Variants in SEMA3C observed in about 807,000 individuals in gnomAD.
SEMA3C encodes semaphorin-3C.
SEMA3C carries 47 observed loss-of-function variants against 89.4 expected under a neutral mutation model. The ratio of observed to expected loss-of-function variants is 0.53; its 90% CI spans 0.42 to 0.67. SEMA3C has a LOEUF of 0.67. SEMA3C is among the 30% of genes least tolerant of loss of function. SEMA3C has a pLI of 0.00. For synonymous variants in SEMA3C, 310 were observed against 320.2 expected (o/e 0.97, Z 0.34); for missense variants, 839 against 929.1 (o/e 0.90, Z 1.26).
intron 2 of SEMA3C, among the ~76,000 whole-genome samples, chr7:80,885,389 G>T (rs1791451066): frequency 6.6e-6 from 1 of 151,964 alleles, no homozygotes; most frequent in Admixed American, 6.6e-5. Context: ...GGCTGAGGTG[G>T]GCGGACTGCT....
At chr7:80,745,389 A>C (rs1277145605) in intron 17 of SEMA3C, 82 bp from the exon 18 acceptor site, 2 of 1,343,396 alleles carry the variant, frequency 1.5e-6, no homozygotes, top group East Asian at 4.8e-5. Flanking sequence ...GAATAGTCTC[A>C]ACTTTCACAG....
At chr7:80,804,833 G>A (rs1220366222) in intron 7 of SEMA3C, among the ~76,000 whole-genome samples, 1 of 152,070 alleles carries the variant, frequency 6.6e-6, no homozygotes, top group African/African-American at 2.4e-5. Flanking sequence ...ATGCTTTCTT[G>A]TGCTGGCCTA....
At chr7:80,865,630 A>G (rs1790908023) in intron 2 of SEMA3C, among the ~76,000 whole-genome samples, 2 of 152,038 alleles carry the variant, frequency 1.3e-5, no homozygotes, top group African/African-American at 4.8e-5. Context: ...TCTACTAAAA[A>G]TGCAAGAAAA....
At chr7:80,878,283 CA>C (rs1214741549) in intron 2 of SEMA3C, among the ~76,000 whole-genome samples, 6 of 152,146 alleles carry the variant, frequency 3.9e-5, no homozygotes, top group Non-Finnish European at 8.8e-5. Flanking sequence ...AAAGCTGAGG[CA>C]GGAGAATCGC....
Position 80,810,633 on chromosome 7 carries a change from C to G in SEMA3C, c.516G>C (p.Val172=), listed in dbSNP as rs1789445925. The G allele has an allele frequency of 6.2e-7, 1 of 1,613,674 alleles. No homozygotes were observed. The highest frequency in any genetic ancestry group is 1.7e-5 in the Admixed American group (1 of 60,006). The change falls in exon 6 of 18, where the codon GTG becomes GTC. Residue 172 remains valine, a synonymous_variant. Coordinates refer to ENST00000265361, the MANE Select transcript of SEMA3C (RefSeq NM_006379.5). ...TACTGATCATAACAGACACCGTGTTCACGTTGGGGTTGAAAGAGCAGCGTC... is the reference window on the plus strand; with the variant it reads ...TACTGATCATAACAGACACCGTGTTGACGTTGGGGTTGAAAGAGCAGCGTC... ...GKGRCSFNPN[V]NTVSVMINEE... is the part of the protein sequence containing the mutation.
rs554199261 is a variant in SEMA3C at position 80,817,156 on chromosome 7, A to G, written c.447+1143T>C. Among the ~76,000 whole-genome samples, 246 of 152,316 alleles carry G rather than the reference A, an allele frequency of 1.6e-3. 2 individuals carry two copies. Among genetic ancestry groups the G allele is most frequent in the African/African-American group, 5.4e-3 (226 of 41,580 alleles). ...AATATTTCATAGCATCTTGAACCAC[A>G]TTAAAAAATGTCTCATTTTGGGGTC... is the stretch of plus-strand genomic sequence containing the variant. On this transcript the variant is annotated intron_variant, in intron 5 of 17. Transcript: ENST00000265361.
intron 2 of SEMA3C, among the ~76,000 whole-genome samples, chr7:80,847,717 C>T (rs959543214): frequency 6.6e-6 from 1 of 152,134 alleles, no homozygotes; most frequent in Non-Finnish European, 1.5e-5. Flanking sequence ...CTATATAGGG[C>T]TGACTGTGGC....
intron 2 of SEMA3C, 54 bp from the exon 3 acceptor site, chr7:80,828,799 AT>A: frequency 7.7e-7 from 1 of 1,292,096 alleles, no homozygotes; most frequent in Non-Finnish European, 1.1e-6. Flanking sequence ...CTATAATTCT[AT>A]TATTTTAATA....
chr7:80,755,014 G>T (rs1788034946), intron 15 of SEMA3C, among the ~76,000 whole-genome samples: 2 of 141,406 alleles, frequency 1.4e-5, no homozygotes, highest in Non-Finnish European at 3.0e-5. Flanking sequence ...TGGCTAGGCT[G>T]GTCTTAAACT....
At chr7:80,897,026 C>T (rs1402260710) in intron 2 of SEMA3C, among the ~76,000 whole-genome samples, 4 of 152,130 alleles carry the variant, frequency 2.6e-5, no homozygotes, top group Non-Finnish European at 4.4e-5. Flanking sequence ...AGGTAGGCGC[C>T]GGAGAGCATG....
intron 11 of SEMA3C, among the ~76,000 whole-genome samples, chr7:80,795,616 T>A (rs1789043934): frequency 6.6e-6 from 1 of 152,122 alleles, no homozygotes; most frequent in Non-Finnish European, 1.5e-5. Flanking sequence ...TTAGCATTGG[T>A]TTATTCTGTT....
At chr7:80,758,660 C>A (rs536934230) in intron 14 of SEMA3C, among the ~76,000 whole-genome samples, 172 bp from the exon 15 acceptor site, 1 of 152,112 alleles carries the variant, frequency 6.6e-6, no homozygotes, top group African/African-American at 2.4e-5. Context: ...AATTTTCCTA[C>A]ATTAATATGC....
In SEMA3C at chr7:80,835,843, C is replaced by A. The variant is rs142065615; in HGVS notation, c.104-7098G>T. Among the ~76,000 whole-genome samples, 339 of 152,258 alleles carry A rather than the reference C, an allele frequency of 2.2e-3. 8 individuals are homozygous for A. The South Asian group carries it at 0.038, about 17-fold the overall frequency. On this transcript the variant is annotated intron_variant, in intron 2 of 17. Transcript: ENST00000265361. ...GTTCTAATATTACTCTAGTCCCACA[C>A]ACAAAGGAATTAAAATTGAGCAAAT...
chr7:80,907,078 A>T (rs754328642), intron 2 of SEMA3C, among the ~76,000 whole-genome samples: 3 of 152,224 alleles, frequency 2.0e-5, no homozygotes, highest in Non-Finnish European at 4.4e-5. Flanking sequence ...AAAAATGTAC[A>T]TAATTAGATT....
chr7:80,748,978 T>C lies in SEMA3C; in HGVS notation c.1762A>G (p.Thr588Ala), dbSNP rs149923462. Residue 588 changes from threonine to alanine, a missense_variant, in exon 17 of 18, where the codon ACT becomes GCT. Transcript: ENST00000265361. ...GACTTGGGGGCACACTCCAGAAAAG[T>C]GGTGTTATTTTTTACTCCATACTGG... ...IVQYGVKNNT[T>A]FLECAPKSPQ... The C allele has an allele frequency of 1.9e-4, 302 of 1,613,368 alleles. No homozygotes were observed. The highest frequency in any genetic ancestry group is 2.4e-4 in the Non-Finnish European group (287 of 1,179,594).
At chr7:80,796,354 T>G (rs887921237) in intron 11 of SEMA3C, 1 of 152,182 alleles carries the variant, frequency 6.6e-6, no homozygotes, top group Non-Finnish European at 1.5e-5. Flanking sequence ...AATCTCTGCT[T>G]CTTATCCAGC....
At chr7:80,857,669 G>A (rs1407296376) in intron 2 of SEMA3C, among the ~76,000 whole-genome samples, 2 of 152,042 alleles carry the variant, frequency 1.3e-5, no homozygotes, top group African/African-American at 4.8e-5. Flanking sequence ...TATTTTCTAG[G>A]TAGCACAGTC....
chr7:80,765,048 C>T, intron 13 of SEMA3C, 107 bp downstream of exon 13: 1 of 673,314 alleles, frequency 1.5e-6, no homozygotes, highest in Non-Finnish European at 2.4e-6. Flanking sequence ...TCATAACATT[C>T]ATTTATTTGA....
At chr7:80,859,831 T>TCTGAA (rs1264086798) in intron 2 of SEMA3C, among the ~76,000 whole-genome samples, 1 of 152,142 alleles carries the variant, frequency 6.6e-6, no homozygotes, top group Non-Finnish European at 1.5e-5. Context: ...AGAAAATGTT[T>TCTGAA]CTGAACTGAA....
Sources: allele counts gnomAD v4.1 joint callset (sites outside exome capture counted in the v4.1 genomes callset), GRCh38; gene constraint gnomAD v4.1.1; transcripts MANE v1.5; gene names NCBI Gene and HGNC (gene_info 2026-07-23, HGNC 2026-07-21).